The following PTPRT variants were observed in gnomAD, a reference collection of about 807,000 sequenced individuals.
PTPRT encodes protein tyrosine phosphatase receptor type T.
In PTPRT, 56 loss-of-function variants were observed where a neutral mutation model predicts 176.8. That is an observed-to-expected ratio of 0.32 (90% CI 0.26 to 0.40). PTPRT has a LOEUF of 0.40. Ranked by LOEUF, PTPRT falls within the 10% of genes least tolerant of loss-of-function variation. PTPRT has a pLI of 1.00. For missense variants in PTPRT, 1,540 were observed against 1,908.2 expected, an observed-to-expected ratio of 0.81 and a Z score of 3.60; for synonymous variants, 783 against 739.0, an observed-to-expected ratio of 1.06 and a Z score of -0.96.
intron 5 of PTPRT, among the ~76,000 whole-genome samples, chr20:42,764,607 A>G (rs1159325709): frequency 6.6e-6 from 1 of 152,184 alleles, no homozygotes; most frequent in African/African-American, 2.4e-5. Context: ...GACAGGACCT[A>G]TGTTTCTTCA....
chr20:42,104,771 G>T, intron 24 of PTPRT, 53 bp from the exon 25 acceptor site: 6 of 1,495,160 alleles, frequency 4.0e-6, no homozygotes, highest in Non-Finnish European at 5.6e-6. Flanking sequence ...AGTGGCCTGG[G>T]AATTAGCTGT....
chr20:43,126,952 T>C (rs1418645210), intron 1 of PTPRT, among the ~76,000 whole-genome samples: 1 of 152,212 alleles, frequency 6.6e-6, no homozygotes, highest in East Asian at 1.9e-4. Context: ...CTGCATTGGA[T>C]TCTGCGTGAA....
At chr20:43,111,319 C>T (rs1405303725) in intron 1 of PTPRT, among the ~76,000 whole-genome samples, 2 of 151,896 alleles carry the variant, frequency 1.3e-5, no homozygotes, top group Admixed American at 1.3e-4. Context: ...GAGGGCGGAT[C>T]ACGAGGTCAG....
At chr20:42,048,466 T>C in the PTPRT span, among the ~76,000 whole-genome samples, 5 of 152,262 alleles carry the variant, frequency 3.3e-5, no homozygotes, top group Middle Eastern at 6.8e-3. Flanking sequence ...AGCTTCCTCT[T>C]GGTTCTTTTG....
intron 1 of PTPRT, among the ~76,000 whole-genome samples, chr20:42,935,745 T>C (rs1980148407): frequency 6.6e-6 from 1 of 152,216 alleles, no homozygotes; most frequent in South Asian, 2.1e-4. Flanking sequence ...TCCAGTCTAT[T>C]CTTCTATTCT....
At chr20:42,303,458 A>G (rs2057499690) in intron 12 of PTPRT, among the ~76,000 whole-genome samples, 1 of 152,132 alleles carries the variant, frequency 6.6e-6, no homozygotes. Context: ...TTCCTCTATG[A>G]AGCTATCTTG....
At chr20:42,388,129 A>G (rs1358415603) in intron 9 of PTPRT, among the ~76,000 whole-genome samples, 1 of 152,146 alleles carries the variant, frequency 6.6e-6, no homozygotes, top group Non-Finnish European at 1.5e-5. Context: ...ACAGTCCCCA[A>G]AATAAAGACT....
At chr20:42,920,078 A>G (rs1979043981) in intron 1 of PTPRT, among the ~76,000 whole-genome samples, 1 of 152,228 alleles carries the variant, frequency 6.6e-6, no homozygotes, top group African/African-American at 2.4e-5. Context: ...GATCAAGAAC[A>G]TATTAAAAGA....
At chr20:42,573,270 T>C (rs1464264463) in intron 7 of PTPRT, among the ~76,000 whole-genome samples, 1 of 152,164 alleles carries the variant, frequency 6.6e-6, no homozygotes, top group East Asian at 1.9e-4. Context: ...CAGCCTGCAC[T>C]GGGCAAGGCA....
At chr20:42,063,119 G>A in the PTPRT span, among the ~76,000 whole-genome samples, 1 of 152,160 alleles carries the variant, frequency 6.6e-6, no homozygotes, top group African/African-American at 2.4e-5. Context: ...TTTTCCGGTG[G>A]CATAGGTAAA....
chr20:42,650,531 G>A (rs553267566), intron 7 of PTPRT, among the ~76,000 whole-genome samples: 1 of 152,222 alleles, frequency 6.6e-6, no homozygotes, highest in African/African-American at 2.4e-5. Context: ...GGACTAAACT[G>A]GAATTGACCA....
At chr20:42,793,820 T>G (rs10485696) in intron 2 of PTPRT, among the ~76,000 whole-genome samples, 42,130 of 151,962 alleles carry the variant, frequency 0.28, 7,536 homozygotes, top group Non-Finnish European at 0.4. Context: ...CTTGGACAGG[T>G]AAGTAGCAAC....
In PTPRT at chr20:42,080,024, GTC is replaced by G. The variant is rs1983160271; in HGVS notation, c.*853_*854del. ...AAAATAATCAAATCTTATCTTGTTT[GTC>G]TCTTCCAAAGAAAGCTACCACCAAA... is the stretch of plus-strand genomic sequence containing the variant. On this transcript the variant is annotated 3_prime_UTR_variant, in exon 31 of 31. Transcript: ENST00000373187. 4.3e-6 allele frequency: 1 copy of G among 231,120 alleles called. No individual in the cohort carries two copies. The allele number at this position is 231,120 out of a possible 1,614,324, so 14.3% of individuals were successfully genotyped here.
intron 1 of PTPRT, among the ~76,000 whole-genome samples, chr20:42,905,738 TA>T (rs1383972198): frequency 2.0e-5 from 3 of 152,038 alleles, no homozygotes; most frequent in Non-Finnish European, 4.4e-5. Flanking sequence ...TATGCAGCCA[TA>T]AAAAAGGATG....
chr20:42,374,142 G>A (rs2058623187), intron 9 of PTPRT, among the ~76,000 whole-genome samples: 1 of 152,236 alleles, frequency 6.6e-6, no homozygotes, highest in South Asian at 2.1e-4. Flanking sequence ...GCAGGGAAAT[G>A]TGGCAGTTTC....
Position 42,885,948 on chromosome 20 carries a change from A to C in PTPRT, c.89-16T>G. 1 of 1,593,728 alleles carries C rather than the reference A, an allele frequency of 6.3e-7. No individual in the cohort carries two copies. Among genetic ancestry groups the C allele is most frequent in the Non-Finnish European group, 8.6e-7 (1 of 1,167,054 alleles). On this transcript the variant is annotated splice_polypyrimidine_tract_variant and intron_variant, in intron 1 of 30. Coordinates refer to ENST00000373187, the MANE Select transcript of PTPRT (RefSeq NM_007050.6). ...GAACAGCCACCTGTAGACAAAAGAG[A>C]TATGGGTAAATACATTCCCGTGTCT...
At chr20:42,382,723 C>T (rs920122498) in intron 9 of PTPRT, among the ~76,000 whole-genome samples, 4 of 152,092 alleles carry the variant, frequency 2.6e-5, no homozygotes, top group Non-Finnish European at 5.9e-5. Context: ...TAAGAGGAAC[C>T]AGAGCATGCT....
At chr20:42,557,002 G>T (rs1401210010) in intron 7 of PTPRT, among the ~76,000 whole-genome samples, 2 of 152,032 alleles carry the variant, frequency 1.3e-5, no homozygotes, top group African/African-American at 4.8e-5. Flanking sequence ...CTGCACTTTT[G>T]CTTTGCCAGA....
intron 1 of PTPRT, among the ~76,000 whole-genome samples, chr20:42,922,047 T>C (rs1217664138): frequency 6.6e-6 from 1 of 152,212 alleles, no homozygotes; most frequent in Admixed American, 6.5e-5. Context: ...GCAATTCTTC[T>C]GTCTCTGCCT....
Sources: allele counts gnomAD v4.1 joint callset (sites outside exome capture counted in the v4.1 genomes callset), GRCh38; gene constraint gnomAD v4.1.1; transcripts MANE v1.5; gene names NCBI Gene and HGNC (gene_info 2026-07-23, HGNC 2026-07-21).